The following MBNL1 variants were observed in gnomAD, a reference collection of about 807,000 sequenced individuals.
MBNL1 encodes muscleblind like splicing regulator 1.
A neutral mutation model predicts 42.2 loss-of-function variants in MBNL1; 8 were observed. That is an observed-to-expected ratio of 0.19 (90% confidence interval 0.11 to 0.34). The LOEUF (loss-of-function observed/expected upper bound fraction) is 0.34. Among genes scored for constraint, MBNL1 ranks in the 10% least tolerant of loss-of-function variants. MBNL1 has a pLI of 1.00. For missense variants in MBNL1, 309 were observed against 495.3 expected (o/e 0.62, Z 3.57); for synonymous variants, 169 against 173.9 (o/e 0.97, Z 0.22).
chr3:152,255,457 C>G (rs2035322925), intron 2 of MBNL1, among the ~76,000 whole-genome samples: 1 of 152,052 alleles, frequency 6.6e-6, no homozygotes, highest in Non-Finnish European at 1.5e-5. Context: ...TGGTTCTTCT[C>G]AGGAAGTGGG....
intron 2 of MBNL1, among the ~76,000 whole-genome samples, chr3:152,413,314 A>G (rs1208064248): frequency 6.6e-6 from 1 of 152,208 alleles, no homozygotes; most frequent in Non-Finnish European, 1.5e-5. Flanking sequence ...TGATACACAA[A>G]TTAAATTGTG....
intron 2 of MBNL1, among the ~76,000 whole-genome samples, chr3:152,361,323 A>G (rs568928413): frequency 1.3e-5 from 2 of 152,028 alleles, no homozygotes; most frequent in Admixed American, 6.6e-5. Context: ...CCATGGTTCT[A>G]TGGAAACAGA....
At chr3:152,345,066 A>C (rs987229463) in intron 2 of MBNL1, among the ~76,000 whole-genome samples, 3 of 151,894 alleles carry the variant, frequency 2.0e-5, no homozygotes, top group Non-Finnish European at 4.4e-5. Context: ...ACGTTGTTTT[A>C]CTTCACTTAC....
intron 2 of MBNL1, among the ~76,000 whole-genome samples, chr3:152,252,266 TCCTCCCTTCCTCC>T (rs1359079622): frequency 2.0e-5 from 3 of 147,976 alleles, no homozygotes; most frequent in African/African-American, 7.5e-5. Flanking sequence ...TTCCCTTTAT[TCCTCCCTTCCTCC>T]CCTCCCTCCC....
intron 3 of MBNL1, among the ~76,000 whole-genome samples, chr3:152,422,210 G>C (rs2098816755): frequency 6.9e-6 from 1 of 144,470 alleles, no homozygotes; most frequent in African/African-American, 2.6e-5. Context: ...GACACACATA[G>C]TCTCAAAATA....
chr3:152,429,324 A>G (rs2098976352), intron 3 of MBNL1, among the ~76,000 whole-genome samples: 1 of 152,222 alleles, frequency 6.6e-6, no homozygotes, highest in Non-Finnish European at 1.5e-5. Flanking sequence ...TTTAAAACAA[A>G]CAAGTGATTA....
intron 3 of MBNL1, among the ~76,000 whole-genome samples, chr3:152,420,715 C>CT (rs911061615): frequency 6.6e-5 from 10 of 152,170 alleles, no homozygotes; most frequent in African/African-American, 2.4e-4. Context: ...TCTTCTTCTC[C>CT]AAAGGATCAC....
intron 6 of MBNL1, among the ~76,000 whole-genome samples, chr3:152,448,955 T>C (rs570038324): frequency 2.0e-5 from 3 of 152,328 alleles, no homozygotes; most frequent in African/African-American, 7.2e-5. Flanking sequence ...TCTTTCAAAT[T>C]GCAGTTTGCC....
chr3:152,267,437 G>A (rs911114451), upstream of MBNL1: 4 of 152,226 alleles, frequency 2.6e-5, no homozygotes, highest in African/African-American at 9.7e-5. Flanking sequence ...TGAGTGTAGG[G>A]ACTGTCTTAT....
At chr3:152,454,443 A>G (rs1448073157) in intron 6 of MBNL1, among the ~76,000 whole-genome samples, 1 of 152,208 alleles carries the variant, frequency 6.6e-6, no homozygotes, top group Non-Finnish European at 1.5e-5. Context: ...ATTTAGATAG[A>G]AATATAAAAT....
chr3:152,404,611 G>T (rs1389207685), intron 2 of MBNL1, among the ~76,000 whole-genome samples: 1 of 151,624 alleles, frequency 6.6e-6, no homozygotes, highest in Admixed American at 6.6e-5. Flanking sequence ...TCTCAATAAA[G>T]ACTTGCCCCT....
chr3:152,299,843 A>T lies in MBNL1; in HGVS notation c.-351A>T, dbSNP rs927765588. 3.7e-5 allele frequency: 15 copies of T among 405,656 alleles called. No individual in the cohort carries two copies. The highest frequency in any genetic ancestry group is 1.4e-4 in the African/African-American group (7 of 48,650). The allele number at this position is 405,656 out of a possible 1,614,324, so 25.1% of individuals were successfully genotyped here. ...GTGTCGAAGGGTCTGCCACGTTTTC[A>T]TGCTTGCATTTTGGGCTCCAAATTG... is the stretch of plus-strand genomic sequence containing the variant. On this transcript the variant is annotated 5_prime_UTR_variant, in exon 2 of 10. The change abolishes an upstream ATG in the 5' untranslated region. Coordinates refer to ENST00000324210, the MANE Select transcript of MBNL1 (RefSeq NM_021038.5).
At chr3:152,246,092 T>G (rs1267909236) in intron 2 of MBNL1, among the ~76,000 whole-genome samples, 1 of 152,118 alleles carries the variant, frequency 6.6e-6, no homozygotes, top group Admixed American at 6.6e-5. Flanking sequence ...TCTAAAAATA[T>G]AAAAATAAAG....
chr3:152,462,094 T>C (rs1362210821), intron 9 of MBNL1, among the ~76,000 whole-genome samples: 1 of 152,178 alleles, frequency 6.6e-6, no homozygotes, highest in Non-Finnish European at 1.5e-5. Context: ...AAGAGCTCTG[T>C]ATATTAGGCC....
intron 2 of MBNL1, among the ~76,000 whole-genome samples, chr3:152,387,398 CA>C (rs1258372414): frequency 6.6e-6 from 1 of 152,050 alleles, no homozygotes; most frequent in African/African-American, 2.4e-5. Flanking sequence ...AAATTGTCTA[CA>C]TTCAAGACTT....
intron 9 of MBNL1, among the ~76,000 whole-genome samples, chr3:152,460,818 C>CTTTA (rs1030199268): frequency 6.6e-6 from 1 of 151,960 alleles, no homozygotes. Flanking sequence ...TTGTTGCTTC[C>CTTTA]TTTATTTATT....
In MBNL1 at chr3:152,268,981, A is replaced by T. The variant is rs1433787456; in HGVS notation, c.-901A>T. On this transcript the variant is annotated 5_prime_UTR_variant, in exon 1 of 10. Transcript: ENST00000324210. ...GTGGCGCCCACAATGCTCCCATGACAAGGAGCTGACAAGTTCCATTTTCCG... is the reference window on the plus strand; with the variant it reads ...GTGGCGCCCACAATGCTCCCATGACTAGGAGCTGACAAGTTCCATTTTCCG... The T allele has an allele frequency of 2.2e-6, 1 of 456,112 alleles. No homozygotes were observed. The highest frequency in any genetic ancestry group is 4.4e-6 in the Non-Finnish European group (1 of 226,944). The allele number at this position is 456,112 out of a possible 1,614,324, so 28.3% of individuals were successfully genotyped here. A position where few individuals can be genotyped will look rare whatever the true frequency, so the allele number is the denominator to read the frequency against.
In MBNL1 at chr3:152,443,485, T is replaced by TACACACACACACACACACACAC. The variant is rs150370083; in HGVS notation, c.550-1795_550-1774dup. ...TTTATGCAGTAGTATATATTTAGCA[T>TACACACACACACACACACACAC]ACACACACACACACACACACACAAC... is the stretch of plus-strand genomic sequence containing the variant. On this transcript the variant is annotated intron_variant, in intron 4 of 9. Coordinates refer to ENST00000324210, the MANE Select transcript of MBNL1 (RefSeq NM_021038.5). Among the ~76,000 whole-genome samples the TACACACACACACACACACACAC allele has an allele frequency of 7.3e-3, 1,059 of 144,928 alleles. 12 individuals carry two copies. Among genetic ancestry groups the TACACACACACACACACACACAC allele is most frequent in the Middle Eastern group, 0.028 (8 of 286 alleles).
intron 2 of MBNL1, among the ~76,000 whole-genome samples, chr3:152,312,266 A>AAAT (rs2067166231): frequency 6.6e-6 from 1 of 152,030 alleles, no homozygotes; most frequent in Admixed American, 6.5e-5. Context: ...ACTCCATGGG[A>AAAT]AATATAATTA....
Sources: allele counts gnomAD v4.1 joint callset (sites outside exome capture counted in the v4.1 genomes callset), GRCh38; gene constraint gnomAD v4.1.1; transcripts MANE v1.5; gene names NCBI Gene and HGNC (gene_info 2026-07-23, HGNC 2026-07-21).